The following TRERF1 variants were observed in gnomAD, a reference collection of about 807,000 sequenced individuals.
TRERF1 encodes transcriptional regulating factor 1.
In TRERF1, 27 loss-of-function variants were observed where a neutral mutation model predicts 122.9. That is an observed-to-expected ratio of 0.22 (90% CI 0.16 to 0.30). The LOEUF is 0.30. Among genes scored for constraint, TRERF1 ranks in the 10% least tolerant of loss-of-function variants. TRERF1 has a pLI of 1.00. For synonymous variants in TRERF1, 636 were observed against 641.7 expected (o/e 0.99, Z 0.13); for missense variants, 1,248 against 1,560.3 (o/e 0.80, Z 3.37).
chr6:42,296,675 G>A (rs942292027), intron 4 of TRERF1, among the ~76,000 whole-genome samples: 4 of 152,048 alleles, frequency 2.6e-5, no homozygotes, highest in African/African-American at 9.7e-5. Context: ...TGAAAGGCAC[G>A]CCACCATGAA....
chr6:42,449,655 C>G (rs1259144241), intron 2 of TRERF1, among the ~76,000 whole-genome samples: 1 of 152,170 alleles, frequency 6.6e-6, no homozygotes, highest in Non-Finnish European at 1.5e-5. Flanking sequence ...AACAACCAGA[C>G]TCAGATTTTC....
intron 2 of TRERF1, among the ~76,000 whole-genome samples, chr6:42,390,560 G>T (rs531808773): frequency 2.6e-5 from 4 of 152,088 alleles, no homozygotes; most frequent in African/African-American, 9.7e-5. Context: ...AAGCCTATGC[G>T]TTCGCACTGG....
At chr6:42,305,888 C>T (rs1278030364) in intron 3 of TRERF1, among the ~76,000 whole-genome samples, 4 of 151,126 alleles carry the variant, frequency 2.6e-5, no homozygotes, top group Non-Finnish European at 4.4e-5. Flanking sequence ...ACAGTTCTGT[C>T]AAATGAGTTC....
intron 2 of TRERF1, among the ~76,000 whole-genome samples, chr6:42,396,584 G>C (rs911970042): frequency 6.6e-6 from 1 of 152,198 alleles, no homozygotes; most frequent in Non-Finnish European, 1.5e-5. Flanking sequence ...TAGTAGTGAA[G>C]AGCATGAACT....
Position 42,393,033 on chromosome 6 carries a change from T to C in TRERF1, c.-453-29954A>G, listed in dbSNP as rs911811374. Among the ~76,000 whole-genome samples the C allele has an allele frequency of 1.3e-5, 2 of 151,852 alleles. No homozygotes were observed. Among genetic ancestry groups the C allele is most frequent in the African/African-American group, 4.8e-5 (2 of 41,280 alleles). On this transcript the variant is annotated intron_variant, in intron 2 of 17. Coordinates refer to ENST00000372922, the Ensembl canonical transcript of TRERF1. This position sits in a 1 kb window ranked among gnomAD's most constrained non-coding sequence, Gnocchi z 4.1. ...CTGCCGACGCGAGGGCCACTGGACA[T>C]GGAGTTGGGAAGAGACATGCACAGT...
At position 42,268,170 on chromosome 6, in the gene TRERF1, C is replaced by T; in HGVS notation, c.1421G>A (p.Ser474Asn). The T allele has an allele frequency of 3.4e-6, 5 of 1,458,218 alleles. No homozygotes were observed. Among genetic ancestry groups the T allele is most frequent in the Non-Finnish European group, 3.6e-6 (4 of 1,103,854 alleles). The allele number at this position is 1,458,218 out of a possible 1,614,324, so 90.3% of individuals were successfully genotyped here. A position where few individuals can be genotyped will look rare whatever the true frequency, so the allele number is the denominator to read the frequency against. ...GGAGAATACCTGGGGCCACATGGCA[C>T]TGGGAGACAGCTGCTGATGCTGAGG... Residue 474 changes from serine (S) to asparagine (N), a missense_variant, in exon 5 of 18, where the codon AGT becomes AAT. This residue lies in a region of TRERF1 where 946 missense variants were observed against 1,073.0 expected (regional missense o/e 0.88). Transcript: ENST00000372922. This position sits in a 1 kb window ranked among gnomAD's most constrained non-coding sequence, Gnocchi z 4.4.
At chr6:42,394,684 T>C (rs1778285100) in intron 2 of TRERF1, among the ~76,000 whole-genome samples, 4 of 152,060 alleles carry the variant, frequency 2.6e-5, no homozygotes, top group Non-Finnish European at 5.9e-5. Flanking sequence ...GCAATACTAA[T>C]GCAAAAAAAT....
chr6:42,300,938 G>A (rs1274780570), intron 3 of TRERF1, among the ~76,000 whole-genome samples, 189 bp from the exon 4 acceptor site: 3 of 152,196 alleles, frequency 2.0e-5, no homozygotes, highest in African/African-American at 7.2e-5. Flanking sequence ...CAATGTGCCA[G>A]GCAGGGCACT....
At chr6:42,245,509 A>G (rs967146482) in intron 14 of TRERF1, among the ~76,000 whole-genome samples, 6 of 152,240 alleles carry the variant, frequency 3.9e-5, no homozygotes, top group Non-Finnish European at 8.8e-5. Flanking sequence ...AATGGCTTTA[A>G]CACAATATGG....
At position 42,269,717 on chromosome 6, in the gene TRERF1, T is replaced by A. The variant is rs1779880787; in HGVS notation, c.-127A>T. On this transcript the variant is annotated 5_prime_UTR_variant, in exon 5 of 18. Coordinates refer to ENST00000372922, the Ensembl canonical transcript of TRERF1. This position sits in a 1 kb window ranked among gnomAD's most constrained non-coding sequence, Gnocchi z 4.9. Reference sequence around the variant, plus strand: ...TCAGCACTACTCCACGGCTGACATGTCTGTGAACGTGGCTGGAGCCAGGTG... The same window carrying A: ...TCAGCACTACTCCACGGCTGACATGACTGTGAACGTGGCTGGAGCCAGGTG... The A allele has an allele frequency of 6.9e-7, 1 of 1,452,440 alleles. No homozygotes were observed. 90.0% of individuals were successfully genotyped at this position (1,452,440 alleles called of 1,614,324 possible).
intron 13 of TRERF1, among the ~76,000 whole-genome samples, chr6:42,248,653 C>A (rs1775217566): frequency 6.6e-6 from 1 of 152,140 alleles, no homozygotes; most frequent in South Asian, 2.1e-4. Context: ...TGCCCAGCTG[C>A]AAACTTATCT....
chr6:42,283,611 CTTT>C (rs869206003), intron 4 of TRERF1, among the ~76,000 whole-genome samples: 4 of 107,994 alleles, frequency 3.7e-5, no homozygotes, highest in African/African-American at 7.2e-5. Context: ...ATGAAAAAAA[CTTT>C]TTTTTTTTTT....
At chr6:42,382,702 T>G (rs941498141) in intron 2 of TRERF1, among the ~76,000 whole-genome samples, 8 of 151,262 alleles carry the variant, frequency 5.3e-5, no homozygotes, top group Non-Finnish European at 1.0e-4. Context: ...TGCAGCTTTT[T>G]TTTTCATATT....
At chr6:42,402,894 G>A (rs1036955671) in intron 2 of TRERF1, among the ~76,000 whole-genome samples, 27 of 152,050 alleles carry the variant, frequency 1.8e-4, no homozygotes, top group Non-Finnish European at 4.4e-5. Flanking sequence ...AGTCACCCAG[G>A]GTCGCACATT....
chr6:42,244,221 G>A (rs187960637), intron 14 of TRERF1, among the ~76,000 whole-genome samples: 2 of 150,580 alleles, frequency 1.3e-5, no homozygotes, highest in Admixed American at 6.6e-5. Context: ...TTTCACTCTC[G>A]TTGCCCAGGC....
At chr6:42,391,613 C>T (rs1013578716) in intron 2 of TRERF1, among the ~76,000 whole-genome samples, 5 of 152,072 alleles carry the variant, frequency 3.3e-5, no homozygotes, top group Non-Finnish European at 5.9e-5. Flanking sequence ...CCTTTGAACA[C>T]GATCTCTAAG....
chr6:42,435,452 G>A (rs1448418843), intron 2 of TRERF1, among the ~76,000 whole-genome samples: 1 of 152,102 alleles, frequency 6.6e-6, no homozygotes, highest in Admixed American at 6.5e-5. Context: ...TCAGGAGGCT[G>A]AGGCAGGAGG....
At position 42,271,299 on chromosome 6, in the gene TRERF1, C is replaced by T. The variant is rs144644808; in HGVS notation, c.-258-1451G>A. Among the ~76,000 whole-genome samples, 17 of 152,104 alleles carry T rather than the reference C, an allele frequency of 1.1e-4. No individual in the cohort carries two copies. The East Asian group carries it at 3.1e-3, about 28-fold the overall frequency. On this transcript the variant is annotated intron_variant, in intron 4 of 17. Coordinates refer to ENST00000372922, the Ensembl canonical transcript of TRERF1. ...CCTTTTAGGACTTCTCTTTCCTAAT[C>T]ACCCTCCTTTACGAAAAGAAGGGCA...
intron 2 of TRERF1, among the ~76,000 whole-genome samples, chr6:42,394,093 G>T (rs1778184111): frequency 6.6e-6 from 1 of 152,072 alleles, no homozygotes; most frequent in African/African-American, 2.4e-5. Flanking sequence ...TTTAAATCTG[G>T]ATTTTCAAAG....
Sources: gnomAD v4.1 joint callset for allele counts (sites outside exome capture counted in the v4.1 genomes callset) on GRCh38, gnomAD v4.1.1 for gene constraint, gnomAD v4.1.1 regional missense constraint, Gnocchi (gnomAD v3.1) non-coding constraint, MANE v1.5 for transcripts, NCBI Gene and HGNC (gene_info 2026-07-23, HGNC 2026-07-21) for gene names.